Variants in PIAS1 observed in about 807,000 individuals in gnomAD.
PIAS1 encodes the protein protein inhibitor of activated STAT 1.
PIAS1 carries 6 observed loss-of-function variants against 71.3 expected under a neutral mutation model. The observed-to-expected ratio is 0.08, with a 90% CI of 0.05 to 0.17. The LOEUF (loss-of-function observed/expected upper bound fraction) is 0.17. PIAS1 is among the 10% of genes least tolerant of loss of function. The pLI, the probability that PIAS1 is intolerant of heterozygous loss-of-function variation, is 1.00. For missense variants in PIAS1, 555 were observed against 793.6 expected, an observed-to-expected ratio of 0.70 and a Z score of 3.61; for synonymous variants, 303 against 292.9, an observed-to-expected ratio of 1.03 and a Z score of -0.35.
intron 2 of PIAS1, among the ~76,000 whole-genome samples, chr15:68,090,805 T>A (rs11856965): frequency 0.021 from 3,167 of 152,220 alleles, 113 homozygotes; most frequent in African/African-American, 0.072. Context: ...TTAAAAAAAA[T>A]TTTCCCTAAT....
At chr15:68,055,701 G>GGGAT in intron 1 of PIAS1, 1 of 462,248 alleles carries the variant, frequency 2.2e-6, no homozygotes, top group African/African-American at 2.0e-5. Flanking sequence ...AGAGGAGATG[G>GGGAT]GGATATACAA....
intron 2 of PIAS1, among the ~76,000 whole-genome samples, chr15:68,104,395 A>G (rs2092452613): frequency 6.6e-6 from 1 of 152,062 alleles, no homozygotes; most frequent in Non-Finnish European, 1.5e-5. Context: ...TACTATTGAA[A>G]TTTTACCCAA....
At chr15:68,116,823 T>C (rs2092568950) in intron 2 of PIAS1, among the ~76,000 whole-genome samples, 1 of 152,210 alleles carries the variant, frequency 6.6e-6, no homozygotes, top group East Asian at 1.9e-4. Flanking sequence ...CCTTTTGATA[T>C]CTTTGACCCA....
At chr15:68,177,005 C>T (rs1010369195) in intron 11 of PIAS1, among the ~76,000 whole-genome samples, 1 of 151,982 alleles carries the variant, frequency 6.6e-6, no homozygotes. Flanking sequence ...CTAGGCCAGG[C>T]GTCATGTCTC....
chr15:68,057,698 T>C (rs1395300311), intron 1 of PIAS1: 3 of 229,864 alleles, frequency 1.3e-5, no homozygotes, highest in Non-Finnish European at 2.6e-5. Context: ...GTACATCTGA[T>C]AGTTTATTCA....
At chr15:68,098,735 A>G (rs2092398752) in intron 2 of PIAS1, among the ~76,000 whole-genome samples, 1 of 152,148 alleles carries the variant, frequency 6.6e-6, no homozygotes, top group Non-Finnish European at 1.5e-5. Context: ...TTTAGCAGCT[A>G]CTTAGTAGGC....
At chr15:68,130,316 A>G (rs1043687757) in intron 2 of PIAS1, among the ~76,000 whole-genome samples, 4 of 152,034 alleles carry the variant, frequency 2.6e-5, no homozygotes, top group African/African-American at 9.6e-5. Flanking sequence ...TTTAAATCAC[A>G]TAGAAGAAAT....
In PIAS1 at chr15:68,162,262, T is replaced by C. The variant is rs567619736; in HGVS notation, c.935-2469T>C. Reference sequence around the variant, plus strand: ...AATTTATTTTCTAAGCACTAAACACTGAGCTTTGTTTTGTATAAGGTTGAT... The same window carrying C: ...AATTTATTTTCTAAGCACTAAACACCGAGCTTTGTTTTGTATAAGGTTGAT... On this transcript the variant is annotated intron_variant, in intron 7 of 13. Transcript: ENST00000249636. Among the ~76,000 whole-genome samples, 20 of 152,274 alleles carry C rather than the reference T, an allele frequency of 1.3e-4. No individual in the cohort carries two copies. In the South Asian group the frequency reaches 4.2e-3, roughly 32 times the overall value.
In PIAS1 at chr15:68,187,523, T is replaced by G; in HGVS notation, c.1663-19T>G. On this transcript the variant is annotated intron_variant, in intron 13 of 13. Transcript: ENST00000249636. This position sits in a 1 kb window ranked among gnomAD's most constrained non-coding sequence, Gnocchi z 5.3. Reference sequence around the variant, plus strand: ...GAAGTATAATTAACATTTTTGTGTCTTTTGTTTCCCCTCCCTAGCATTACA... The same window carrying G: ...GAAGTATAATTAACATTTTTGTGTCGTTTGTTTCCCCTCCCTAGCATTACA... The G allele has an allele frequency of 6.2e-7, 1 of 1,606,546 alleles. No homozygotes were observed. Among genetic ancestry groups the G allele is most frequent in the Non-Finnish European group, 8.5e-7 (1 of 1,174,126 alleles).
intron 6 of PIAS1, among the ~76,000 whole-genome samples, chr15:68,152,293 T>G (rs534318642): frequency 1.3e-5 from 2 of 152,276 alleles, no homozygotes; most frequent in South Asian, 4.1e-4. Context: ...GTGAAATTTA[T>G]TAATGAAGGT....
Position 68,153,596 on chromosome 15 carries a change from T to A in PIAS1, c.835T>A (p.Ser279Thr). 6.7e-7 allele frequency: 1 copy of A among 1,494,962 alleles called. No individual in the cohort carries two copies. The highest frequency in any genetic ancestry group is 9.3e-7 in the Non-Finnish European group (1 of 1,077,724). 92.6% of individuals were successfully genotyped at this position (1,494,962 alleles called of 1,614,324 possible). ...TACTTCTTTTTTTTTCCAGAACTAT[T>A]CCATGGCAGTATATCTTGTAAAACA... ...SWTAEIGRNYSMAVYLVKQLS... is the reference protein window; with the variant it reads ...SWTAEIGRNYTMAVYLVKQLS... Residue 279 changes from serine to threonine, a missense_variant, in exon 7 of 14, where the codon TCC becomes ACC. Transcript: ENST00000249636.
chr15:68,146,162 A>G (rs756587851), intron 5 of PIAS1, among the ~76,000 whole-genome samples: 11 of 152,090 alleles, frequency 7.2e-5, no homozygotes, highest in Non-Finnish European at 1.3e-4. Context: ...TTTTTCAACA[A>G]AATCTCAGCT....
rs769540682 is a variant in PIAS1, at chr15:68,187,646, T to C, written c.1767T>C (p.Phe589=). 3 of 1,614,012 alleles carry C rather than the reference T, an allele frequency of 1.9e-6. No homozygotes were observed. The highest frequency in any genetic ancestry group is 1.7e-6 in the Non-Finnish European group (2 of 1,179,878). ...RFFPYTSSQM[F]LDQLSAGGST... ...TCCCGTATACCTCCTCACAGATGTT[T>C]CTTGATCAGTTAAGTGCAGGAGGCA... Residue 589 remains phenylalanine, a synonymous_variant, in exon 14 of 14, where the codon TTT becomes TTC. Transcript: ENST00000249636. The surrounding 1 kb of genome is among the most constrained non-coding windows in gnomAD (Gnocchi z 5.3).
chr15:68,125,516 A>G (rs1344505663), intron 2 of PIAS1, among the ~76,000 whole-genome samples: 2 of 152,286 alleles, frequency 1.3e-5, no homozygotes, highest in East Asian at 3.9e-4. Context: ...CATGGAAGGT[A>G]ATTTTTTAAA....
intron 4 of PIAS1, among the ~76,000 whole-genome samples, chr15:68,143,092 C>T (rs929366718): frequency 6.6e-6 from 1 of 151,504 alleles, no homozygotes; most frequent in Non-Finnish European, 1.5e-5. Flanking sequence ...TATATATCTC[C>T]CTTATATAAA....
At chr15:68,165,117 T>C (rs1334011738) in intron 8 of PIAS1, among the ~76,000 whole-genome samples, 2 of 152,174 alleles carry the variant, frequency 1.3e-5, no homozygotes, top group African/African-American at 4.8e-5. Flanking sequence ...ACATTATTTA[T>C]TTTTATTATT....
chr15:68,067,312 GC>G (rs2140960719), intron 1 of PIAS1, among the ~76,000 whole-genome samples: 1 of 152,172 alleles, frequency 6.6e-6, no homozygotes, highest in East Asian at 1.9e-4. Flanking sequence ...AGATATGCTT[GC>G]CTTTCTTTAG....
rs993135654 is a variant in PIAS1 at position 68,174,832 on chromosome 15, G to A, written c.1170-805G>A. Reference sequence around the variant, plus strand: ...TTGAAAGATGTCAGACCAGTCATGGGAAACAAACAAACAAACAACATGTAA... The same window carrying A: ...TTGAAAGATGTCAGACCAGTCATGGAAAACAAACAAACAAACAACATGTAA... On this transcript the variant is annotated intron_variant, in intron 9 of 13. Coordinates refer to ENST00000249636, the MANE Select transcript of PIAS1 (RefSeq NM_016166.3). This position sits in a 1 kb window ranked among gnomAD's most constrained non-coding sequence, Gnocchi z 4.0. Among the ~76,000 whole-genome samples the A allele has an allele frequency of 6.6e-6, 1 of 152,166 alleles. No homozygotes were observed. Among genetic ancestry groups the A allele is most frequent in the Non-Finnish European group, 1.5e-5 (1 of 68,028 alleles).
intron 7 of PIAS1, among the ~76,000 whole-genome samples, chr15:68,162,440 G>A (rs776218983): frequency 5.3e-5 from 8 of 152,038 alleles, no homozygotes; most frequent in African/African-American, 1.2e-4. Flanking sequence ...AGGGTTCTCC[G>A]GAGAAACTCT....
Sources: allele counts gnomAD v4.1 joint callset (sites outside exome capture counted in the v4.1 genomes callset), GRCh38; gene constraint gnomAD v4.1.1; non-coding constraint Gnocchi (gnomAD v3.1); transcripts MANE v1.5; gene names NCBI Gene and HGNC (gene_info 2026-07-23, HGNC 2026-07-21).